Variants in IL17RA observed in about 807,000 individuals in gnomAD.
IL17RA encodes the protein interleukin-17 receptor A.
In IL17RA, 34 loss-of-function variants were observed where a neutral mutation model predicts 50.4. The observed-to-expected ratio is 0.67, with a 90% CI of 0.51 to 0.90. IL17RA has a LOEUF of 0.90. Ranked by LOEUF, IL17RA falls within the 40% of genes least tolerant of loss-of-function variation. IL17RA has a pLI of 0.00. For synonymous variants in IL17RA, 585 were observed against 510.4 expected, an observed-to-expected ratio of 1.15 and a Z score of -1.97; for missense variants, 1,276 against 1,169.8, an observed-to-expected ratio of 1.09 and a Z score of -1.32.
chr22:17,098,916 G>A (rs774613998), intron 4 of IL17RA, 29 bp downstream of exon 4: 6 of 1,522,030 alleles, frequency 3.9e-6, no homozygotes, highest in East Asian at 2.3e-5. Context: ...AGTGGATTAT[G>A]TTCCACTGAT....
chr22:17,091,693 A>G (rs1380079146), intron 1 of IL17RA, among the ~76,000 whole-genome samples: 1 of 151,460 alleles, frequency 6.6e-6, no homozygotes. Context: ...AAAAAAAGTC[A>G]ATGTTATTAT....
Position 17,107,769 on chromosome 22 carries a change from G to T in IL17RA, c.1087+1G>T. 6.2e-7 allele frequency: 1 copy of T among 1,613,414 alleles called. No homozygotes were observed. On this transcript the variant is annotated splice_donor_variant, in intron 12 of 12. Coordinates refer to ENST00000319363, the MANE Select transcript of IL17RA (RefSeq NM_014339.7). LOFTEE classifies it high-confidence loss of function. ...TACAGTGATGACACCAAATACACCG[G>T]TCAGTATTTCCTGGTTTGCATGTTT...
At chr22:17,102,106 C>T (rs2061393738) in intron 6 of IL17RA, 33 bp from the exon 7 acceptor site, 1 of 1,614,180 alleles carries the variant, frequency 6.2e-7, no homozygotes, top group Non-Finnish European at 8.5e-7. Flanking sequence ...CGTGCCCCTC[C>T]TCACTCCCAG....
chr22:17,093,134 A>G (rs906760927), intron 1 of IL17RA, among the ~76,000 whole-genome samples: 37 of 152,182 alleles, frequency 2.4e-4, no homozygotes, highest in African/African-American at 7.7e-4. Context: ...CAGAAAACCT[A>G]TCTCAAATAT....
At chr22:17,098,410 A>T (rs1374128924) in intron 3 of IL17RA, among the ~76,000 whole-genome samples, 2 of 152,146 alleles carry the variant, frequency 1.3e-5, no homozygotes, top group Non-Finnish European at 1.5e-5. Context: ...GCATGGGGGA[A>T]GTTCTTTTTG....
rs1437594555 is a variant in IL17RA, at chr22:17,104,641, C to G, written c.847-85C>G. 3.3e-6 allele frequency: 4 copies of G among 1,222,082 alleles called. No homozygotes were observed. In the East Asian group the frequency reaches 9.6e-5, roughly 29 times the overall value. 75.7% of individuals were successfully genotyped at this position (1,222,082 alleles called of 1,614,324 possible). A position where few individuals can be genotyped will look rare whatever the true frequency, so the allele number is the denominator to read the frequency against. Reference sequence around the variant, plus strand: ...GATCGTGGTGTAGCCAGCCAGGATCCCCTCCTCTCACATTGCCGCTGCTGG... The same window carrying G: ...GATCGTGGTGTAGCCAGCCAGGATCGCCTCCTCTCACATTGCCGCTGCTGG... On this transcript the variant is annotated intron_variant, in intron 8 of 12. Transcript: ENST00000319363.
intron 1 of IL17RA, among the ~76,000 whole-genome samples, chr22:17,085,495 A>G (rs563573646): frequency 6.6e-6 from 1 of 151,912 alleles, no homozygotes; most frequent in East Asian, 1.9e-4. Context: ...CGCCGTCGTG[A>G]CTGGAGGCGG....
At chr22:17,106,040 A>G in intron 11 of IL17RA, 86 bp downstream of exon 11, 2 of 1,011,690 alleles carry the variant, frequency 2.0e-6, no homozygotes, top group Non-Finnish European at 3.1e-6. Flanking sequence ...CTTTATTCTC[A>G]GAGCCTCAGC....
chr22:17,101,198 C>A (rs1362228843), intron 5 of IL17RA, among the ~76,000 whole-genome samples: 1 of 152,186 alleles, frequency 6.6e-6, no homozygotes, highest in Non-Finnish European at 1.5e-5. Flanking sequence ...CTGTCCATAG[C>A]CAGCTATGTC....
rs74827998 is a variant in IL17RA, at chr22:17,109,608, A to G, written c.2389A>G (p.Ile797Val). ...RQSVQSDQGY[I>V]SRSSPQPPEG... is the part of the protein sequence containing the mutation. ...GTCAGTGCAGTCTGACCAGGGCTAC[A>G]TCTCCAGGAGCTCCCCGCAGCCCCC... Residue 797 changes from isoleucine (I) to valine (V), a missense_variant, in exon 13 of 13, where the codon ATC becomes GTC. Transcript: ENST00000319363. 510 of 1,605,608 alleles carry G rather than the reference A, an allele frequency of 3.2e-4. 3 individuals carry two copies. The East Asian group carries it at 0.011, about 33-fold the overall frequency.
chr22:17,101,917 G>A (rs1453431126), intron 5 of IL17RA, 79 bp from the exon 6 acceptor site: 3 of 1,568,212 alleles, frequency 1.9e-6, no homozygotes, highest in South Asian at 2.2e-5. Flanking sequence ...AAAGATTGTT[G>A]TTCTTGGTGT....
In IL17RA at chr22:17,109,514, G is replaced by A. The variant is rs41482444; in HGVS notation, c.2295G>A (p.Gln765=). ...AGCAGAGTCTGAGCTGCCAGGCCCA[G>A]GGGGGCTGCAGTAGACCCGCCATGG... ...LFEQSLSCQA[Q]GGCSRPAMVL... is the part of the protein sequence containing the mutation. The change falls in exon 13 of 13, where the codon CAG becomes CAA. Residue 765 remains glutamine, a synonymous_variant. Coordinates refer to ENST00000319363, the MANE Select transcript of IL17RA (RefSeq NM_014339.7). The A allele has an allele frequency of 4.5e-3, 7,193 of 1,599,924 alleles. 281 individuals are homozygous for A. The African/African-American group carries it at 0.086, about 19-fold the overall frequency.
At chr22:17,106,041 G>A in intron 11 of IL17RA, 87 bp downstream of exon 11, 1 of 999,460 alleles carries the variant, frequency 1.0e-6, no homozygotes, top group Non-Finnish European at 1.6e-6. Flanking sequence ...TTTATTCTCA[G>A]AGCCTCAGCT....
chr22:17,105,192 TC>T (rs1327440142), intron 9 of IL17RA, among the ~76,000 whole-genome samples: 1 of 151,710 alleles, frequency 6.6e-6, no homozygotes, highest in African/African-American at 2.4e-5. Context: ...CAGTAGAGGA[TC>T]CCCCCACCCC....
In IL17RA at chr22:17,111,919, G is replaced by A. The variant is rs1269875664; in HGVS notation, c.*2099G>A. On this transcript the variant is annotated 3_prime_UTR_variant, in exon 13 of 13. Coordinates refer to ENST00000319363, the MANE Select transcript of IL17RA (RefSeq NM_014339.7). ...AGGGCCACCAAAGCTCTGTGTCCCA[G>A]ATGGTGTATGGCCCATAATCCACCC... is the stretch of plus-strand genomic sequence containing the variant. 6.6e-6 allele frequency: 1 copy of A among 152,124 alleles called. No homozygotes were observed. The highest frequency in any genetic ancestry group is 2.4e-5 in the African/African-American group (1 of 41,426). The allele number at this position is 152,124 out of a possible 1,614,324, so 9.4% of individuals were successfully genotyped here. A position where few individuals can be genotyped will look rare whatever the true frequency, so the allele number is the denominator to read the frequency against.
rs924116506 is a variant in IL17RA at position 17,109,857 on chromosome 22, G to C, written c.*37G>C. On this transcript the variant is annotated 3_prime_UTR_variant, in exon 13 of 13. Transcript: ENST00000319363. The stretch of plus-strand genomic sequence containing the variant: ...CAGGGACCGCCCAGATCCCAGCTTT[G>C]AGAGAGGAGTGTGTGTGCACGTATT... The C allele has an allele frequency of 6.5e-7, 1 of 1,530,816 alleles. No homozygotes were observed. 94.8% of individuals were successfully genotyped at this position (1,530,816 alleles called of 1,614,324 possible). A position where few individuals can be genotyped will look rare whatever the true frequency, so the allele number is the denominator to read the frequency against.
chr22:17,085,000 G>A lies in IL17RA; in HGVS notation c.-92G>A, dbSNP rs1218180010. On this transcript the variant is annotated 5_prime_UTR_variant, in exon 1 of 13. Transcript: ENST00000319363. The stretch of plus-strand genomic sequence containing the variant: ...AGCCGGAAGCGAGCAAAGTGGAGCC[G>A]ACTCGAACTCCACCGCGGAAAAGAA... 1 of 1,249,830 alleles carries A rather than the reference G, an allele frequency of 8.0e-7. No homozygotes were observed. Among genetic ancestry groups the A allele is most frequent in the Non-Finnish European group, 1.0e-6 (1 of 988,462 alleles). 77.4% of individuals were successfully genotyped at this position (1,249,830 alleles called of 1,614,324 possible).
Position 17,104,738 on chromosome 22 carries a change from T to C in IL17RA, c.859T>C (p.Phe287Leu), listed in dbSNP as rs753793215. The change falls in exon 9 of 13, where the codon TTC (phenylalanine) becomes CTC (leucine). Residue 287 changes from phenylalanine to leucine, a missense_variant. Coordinates refer to ENST00000319363, the MANE Select transcript of IL17RA (RefSeq NM_014339.7). ...TCTCTGCCCGCAGATCCAGCCCTTC[T>C]TCAGCAGCTGCCTCAATGACTGCCT... The part of the protein sequence containing the change: ...CRHQVQIQPF[F>L]SSCLNDCLRH... The C allele has an allele frequency of 1.8e-5, 29 of 1,614,112 alleles. No homozygotes were observed. Among genetic ancestry groups the C allele is most frequent in the Non-Finnish European group, 1.9e-5 (22 of 1,179,960 alleles).
chr22:17,091,543 G>A (rs921383657), intron 1 of IL17RA, among the ~76,000 whole-genome samples: 3 of 152,090 alleles, frequency 2.0e-5, no homozygotes, highest in Non-Finnish European at 4.4e-5. Context: ...GCCAGGCGTG[G>A]TGGTGGCGCC....
Sources: gnomAD v4.1 joint callset for allele counts (sites outside exome capture counted in the v4.1 genomes callset) on GRCh38, gnomAD v4.1.1 for gene constraint, MANE v1.5 for transcripts, NCBI Gene and HGNC (gene_info 2026-07-23, HGNC 2026-07-21) for gene names.